Variants in MMP9 observed in about 807,000 individuals in gnomAD.
MMP9 encodes the protein matrix metalloproteinase-9.
A neutral mutation model predicts 76.4 loss-of-function variants in MMP9; 73 were observed. The observed-to-expected ratio is 0.96, with a 90% CI of 0.79 to 1.16. The LOEUF (loss-of-function observed/expected upper bound fraction) is 1.16. Among genes scored for constraint, MMP9 ranks in the 50% most tolerant of loss-of-function variants. The pLI is 0.00. For synonymous variants in MMP9, 412 were observed against 408.4 expected (o/e 1.01, Z -0.11); for missense variants, 943 against 973.0 (o/e 0.97, Z 0.41).
In MMP9 at chr20:46,011,299, G is replaced by A; in HGVS notation, c.806G>A (p.Gly269Asp). 1 of 1,606,154 alleles carries A rather than the reference G, an allele frequency of 6.2e-7. No individual in the cohort carries two copies. Among genetic ancestry groups the A allele is most frequent in the South Asian group, 1.1e-5 (1 of 91,018 alleles). The change falls in exon 5 of 13, where the codon GGC becomes GAC. Residue 269 changes from glycine (G) to aspartate (D), a missense_variant. By Grantham distance (94) the Gly-to-Asp change is moderately conservative. Transcript: ENST00000372330. ...AACTACGACACCGACGACCGGTTTG[G>A]CTTCTGCCCCAGCGAGAGTGAGTGA... Reference protein sequence around the residue: ...TANYDTDDRFGFCPSERLYTQ... With the variant: ...TANYDTDDRFDFCPSERLYTQ...
chr20:46,015,847 T>C (rs1362316431), intron 12 of MMP9, among the ~76,000 whole-genome samples: 1 of 152,248 alleles, frequency 6.6e-6, no homozygotes, highest in East Asian at 1.9e-4. Flanking sequence ...ATTGAGATCA[T>C]GCCTGCATTT....
Position 46,012,568 on chromosome 20 carries a change from T to C in MMP9, c.1316T>C (p.Ile439Thr). The change falls in exon 8 of 13, where the codon ATC (isoleucine) becomes ACC (threonine). Residue 439 changes from isoleucine (I) to threonine (T), a missense_variant. Coordinates refer to ENST00000372330, the MANE Select transcript of MMP9 (RefSeq NM_004994.3). ...PPLHKDDVNG[I>T]RHLYGPRPEP... ...TTGCATAAGGACGACGTGAATGGCATCCGGCACCTCTATGGTGAGGCAGGG... is the reference window on the plus strand; with the variant it reads ...TTGCATAAGGACGACGTGAATGGCACCCGGCACCTCTATGGTGAGGCAGGG... 2 of 1,611,592 alleles carry C rather than the reference T, an allele frequency of 1.2e-6. No homozygotes were observed. The highest frequency in any genetic ancestry group is 1.7e-6 in the Non-Finnish European group (2 of 1,179,000).
chr20:46,014,084 C>G (rs1406807944), intron 10 of MMP9, 40 bp from the exon 11 acceptor site: 12 of 1,533,694 alleles, frequency 7.8e-6, no homozygotes, highest in African/African-American at 4.1e-5. Flanking sequence ...TACGTGCTCC[C>G]TCTGCGCCCC....
intron 3 of MMP9, 84 bp from the exon 4 acceptor site, chr20:46,010,838 T>TA: frequency 6.2e-7 from 1 of 1,611,150 alleles, no homozygotes; most frequent in South Asian, 1.1e-5. Flanking sequence ...AGCCCGCACT[T>TA]ATTTCGGAGC....
intron 3 of MMP9, 91 bp from the exon 4 acceptor site, chr20:46,010,831 C>A: frequency 6.2e-7 from 1 of 1,608,332 alleles, no homozygotes; most frequent in African/African-American, 1.3e-5. Context: ...GGATTTCAGC[C>A]CGCACTTATT....
chr20:46,008,911 C>T lies in MMP9; in HGVS notation c.-16C>T, dbSNP rs2084257733. ...CCCCACAACAGCAGCTGCAGTCAGA[C>T]ACCTCTGCCCTCACCATGAGCCTCT... On this transcript the variant is annotated 5_prime_UTR_variant, in exon 1 of 13. Transcript: ENST00000372330. The T allele has an allele frequency of 6.2e-7, 1 of 1,612,272 alleles. No homozygotes were observed. The highest frequency in any genetic ancestry group is 1.1e-5 in the South Asian group (1 of 91,038).
chr20:46,012,448 CGGCGCATGA>C lies in MMP9; in HGVS notation c.1198_1206del (p.Ala400_Glu402del), dbSNP rs780809186. The C allele has an allele frequency of 1.2e-5, 20 of 1,614,026 alleles. No homozygotes were observed. The highest frequency in any genetic ancestry group is 1.6e-5 in the Non-Finnish European group (19 of 1,180,026). ...CCAGGATACAGTTTGTTCCTCGTGGCGGCGCATGAGTTCGGCCACGCGCTGGGCTTAGAT... is the reference window on the plus strand; with the variant it reads ...CCAGGATACAGTTTGTTCCTCGTGGCGTTCGGCCACGCGCTGGGCTTAGAT... On this transcript the variant is annotated inframe_deletion, in exon 8 of 13. Transcript: ENST00000372330.
chr20:46,012,461 C>T lies in MMP9; in HGVS notation c.1209C>T (p.Phe403=), dbSNP rs1364279397. The change falls in exon 8 of 13, where the codon TTC becomes TTT. Residue 403 remains phenylalanine (F), a synonymous_variant. Coordinates refer to ENST00000372330, the MANE Select transcript of MMP9 (RefSeq NM_004994.3). ...YSLFLVAAHE[F]GHALGLDHSS... Reference sequence around the variant, plus strand: ...TGTTCCTCGTGGCGGCGCATGAGTTCGGCCACGCGCTGGGCTTAGATCATT... The same window carrying T: ...TGTTCCTCGTGGCGGCGCATGAGTTTGGCCACGCGCTGGGCTTAGATCATT... 1.2e-6 allele frequency: 2 copies of T among 1,614,032 alleles called. No homozygotes were observed. Among genetic ancestry groups the T allele is most frequent in the African/African-American group, 1.3e-5 (1 of 74,918 alleles).
In MMP9 at chr20:46,016,297, C is replaced by T. The variant is rs765120002; in HGVS notation, c.2053C>T (p.Arg685Trp). 34 of 1,614,082 alleles carry T rather than the reference C, an allele frequency of 2.1e-5. No individual in the cohort carries two copies. The highest frequency in any genetic ancestry group is 8.3e-5 in the Admixed American group (5 of 60,010). Reference protein sequence around the residue: ...QDRFYWRVSSRSELNQVDQVG... With the variant: ...QDRFYWRVSSWSELNQVDQVG... Reference sequence around the variant, plus strand: ...CCGCTTCTACTGGCGCGTGAGTTCCCGGAGTGAGTTGAACCAGGTGGACCA... The same window carrying T: ...CCGCTTCTACTGGCGCGTGAGTTCCTGGAGTGAGTTGAACCAGGTGGACCA... Residue 685 changes from arginine (R) to tryptophan (W), a missense_variant, in exon 13 of 13, where the codon CGG becomes TGG. Transcript: ENST00000372330.
At position 46,013,684 on chromosome 20, in the gene MMP9, G is replaced by C; in HGVS notation, c.1638G>C (p.Arg546Ser). ...AGTACTGGCGATTCTCTGAGGGCAG[G>C]GGGAGCCGGCCGCAGGGCCCCTTCC... Reference protein sequence around the residue: ...DGKYWRFSEGRGSRPQGPFLI... With the variant: ...DGKYWRFSEGSGSRPQGPFLI... The change falls in exon 10 of 13, where the codon AGG (arginine) becomes AGC (serine). Residue 546 changes from arginine (R) to serine (S), a missense_variant. Coordinates refer to ENST00000372330, the MANE Select transcript of MMP9 (RefSeq NM_004994.3). This position sits in a 1 kb window ranked among gnomAD's most constrained non-coding sequence, Gnocchi z 4.5. 1.2e-6 allele frequency: 2 copies of C among 1,614,024 alleles called. No homozygotes were observed. The highest frequency in any genetic ancestry group is 1.1e-5 in the South Asian group (1 of 91,064).
At position 46,012,584 on chromosome 20, in the gene MMP9, TGAGGCA is replaced by T; in HGVS notation, c.1330+4_1330+9del. Reference sequence around the variant, plus strand: ...TGAATGGCATCCGGCACCTCTATGGTGAGGCAGGGGCAGGGATGGGAGGAGGAGGGG... The same window carrying T: ...TGAATGGCATCCGGCACCTCTATGGTGGGGCAGGGATGGGAGGAGGAGGGG... On this transcript the variant is annotated splice_donor_5th_base_variant and intron_variant, in intron 8 of 12. Coordinates refer to ENST00000372330, the MANE Select transcript of MMP9 (RefSeq NM_004994.3). 1 of 1,605,252 alleles carries T rather than the reference TGAGGCA, an allele frequency of 6.2e-7. No homozygotes were observed. The highest frequency in any genetic ancestry group is 1.4e-5 in the African/African-American group (1 of 71,770).
rs1402682487 is a variant in MMP9, at chr20:46,012,267, C to T, written c.1128C>T (p.Thr376=). Residue 376 remains threonine (T), a synonymous_variant, in exon 7 of 13, where the codon ACC becomes ACT. Transcript: ENST00000372330. ...ATGGGCGCCTCTGGTGCGCTACCAC[C>T]TCGAACTTTGACAGCGACAAGAAGT... ...RGDGRLWCAT[T]SNFDSDKKWG... is the part of the protein sequence containing the mutation. 1 of 1,613,998 alleles carries T rather than the reference C, an allele frequency of 6.2e-7. No individual in the cohort carries two copies. Among genetic ancestry groups the T allele is most frequent in the South Asian group, 1.1e-5 (1 of 91,084 alleles).
At position 46,012,144 on chromosome 20, in the gene MMP9, G is replaced by T. The variant is rs761314295; in HGVS notation, c.1005G>T (p.Ser335=). 10 of 1,613,882 alleles carry T rather than the reference G, an allele frequency of 6.2e-6. No individual in the cohort carries two copies. The Admixed American group carries it at 1.7e-4, about 27-fold the overall frequency. The change falls in exon 7 of 13, where the codon TCG becomes TCT. Residue 335 remains serine, a synonymous_variant. Coordinates refer to ENST00000372330, the MANE Select transcript of MMP9 (RefSeq NM_004994.3). Reference sequence around the variant, plus strand: ...GGCCTTGGGTCTCTCCAGCTGACTCGACGGTGATGGGGGGCAACTCGGCGG... The same window carrying T: ...GGCCTTGGGTCTCTCCAGCTGACTCTACGGTGATGGGGGGCAACTCGGCGG... ...LFGFCPTRAD[S]TVMGGNSAGE...
chr20:46,015,712 A>G (rs1053438738), intron 12 of MMP9, among the ~76,000 whole-genome samples: 3 of 151,932 alleles, frequency 2.0e-5, no homozygotes, highest in Non-Finnish European at 4.4e-5. Context: ...CAGCCTCCCA[A>G]AGTGCTGGGA....
rs1663094840 is a variant in MMP9, at chr20:46,014,292, C to T, written c.1901+18C>T. ...CTCTGGAGGTGAGCGCCGCCGCGGC[C>T]GCCGGCAGGGGGAGCCCGGGCGCCG... On this transcript the variant is annotated intron_variant, in intron 11 of 12. Transcript: ENST00000372330. The T allele has an allele frequency of 3.3e-6, 5 of 1,528,632 alleles. No homozygotes were observed. The highest frequency in any genetic ancestry group is 2.0e-5 in the Admixed American group (1 of 49,040). 94.7% of individuals were successfully genotyped at this position (1,528,632 alleles called of 1,614,324 possible). A position where few individuals can be genotyped will look rare whatever the true frequency, so the allele number is the denominator to read the frequency against.
In MMP9 at chr20:46,011,268, A is replaced by C; in HGVS notation, c.775A>C (p.Thr259Pro). ...CGACGGCTTGCCCTGGTGCAGTACC[A>C]CGGCCAACTACGACACCGACGACCG... ...RSDGLPWCST[T>P]ANYDTDDRFG... The change falls in exon 5 of 13, where the codon ACG becomes CCG. Residue 259 changes from threonine (T) to proline (P), a missense_variant. Coordinates refer to ENST00000372330, the MANE Select transcript of MMP9 (RefSeq NM_004994.3). The C allele has an allele frequency of 6.2e-7, 1 of 1,610,700 alleles. No homozygotes were observed. Among genetic ancestry groups the C allele is most frequent in the Non-Finnish European group, 8.5e-7 (1 of 1,179,288 alleles).
chr20:46,011,752 C>T lies in MMP9; in HGVS notation c.997+5C>T, dbSNP rs3918254. The T allele has an allele frequency of 0.013, 20,700 of 1,609,020 alleles. 1,269 individuals carry two copies. The East Asian group carries it at 0.2, about 15-fold the overall frequency. ...TCGGCTTCTGCCCGACCCGAGGTAC[C>T]TCCACCCTGTCTACCAGGTTCAGCC... On this transcript the variant is annotated splice_donor_5th_base_variant and intron_variant, in intron 6 of 12. Coordinates refer to ENST00000372330, the MANE Select transcript of MMP9 (RefSeq NM_004994.3).
intron 3 of MMP9, 56 bp from the exon 4 acceptor site, chr20:46,010,866 C>G (rs1321994062): frequency 7.0e-5 from 113 of 1,613,860 alleles, no homozygotes; most frequent in Non-Finnish European, 9.1e-5. Flanking sequence ...TTGGGCAGCG[C>G]ACAATCTGCG....
Position 46,014,395 on chromosome 20 carries a change from G to T in MMP9, c.1926G>T (p.Val642=). The change falls in exon 12 of 13, where the codon GTG becomes GTT. Residue 642 remains valine, a synonymous_variant. Coordinates refer to ENST00000372330, the MANE Select transcript of MMP9 (RefSeq NM_004994.3). ...LWRFDVKAQM[V]DPRSASEVDR... ...GGTTCGACGTGAAGGCGCAGATGGT[G>T]GATCCCCGGAGCGCCAGCGAGGTGG... The T allele has an allele frequency of 6.5e-7, 1 of 1,549,378 alleles. No homozygotes were observed.
Sources: gnomAD v4.1 joint callset for allele counts (sites outside exome capture counted in the v4.1 genomes callset) on GRCh38, gnomAD v4.1.1 for gene constraint, Gnocchi (gnomAD v3.1) non-coding constraint, MANE v1.5 for transcripts, NCBI Gene and HGNC (gene_info 2026-07-23, HGNC 2026-07-21) for gene names.